The following ADGB variants were observed in gnomAD, a reference collection of about 807,000 sequenced individuals.
ADGB encodes the protein calpain-7-like protein.
A neutral mutation model predicts 210.5 loss-of-function variants in ADGB; 172 were observed. The ratio of observed to expected loss-of-function variants is 0.82; its 90% CI spans 0.72 to 0.93. ADGB has a LOEUF of 0.93. ADGB is among the 40% of genes least tolerant of loss of function. ADGB has a pLI of 0.00. For missense variants in ADGB, 2,025 were observed against 1,964.8 expected, an observed-to-expected ratio of 1.03 and a Z score of -0.58; for synonymous variants, 658 against 662.7, an observed-to-expected ratio of 0.99 and a Z score of 0.11.
chr6:146,693,523 G>C (rs1776361191), intron 12 of ADGB, among the ~76,000 whole-genome samples: 1 of 152,170 alleles, frequency 6.6e-6, no homozygotes. Flanking sequence ...CACCTAACCT[G>C]TGGTATTTTG....
chr6:146,725,069 A>G (rs150061834), intron 18 of ADGB: 1 of 152,348 alleles, frequency 6.6e-6, no homozygotes, highest in African/African-American at 2.4e-5. Flanking sequence ...TGCTAAAATA[A>G]TTGTGTCAAG....
rs980688459 is a variant in ADGB at position 146,795,109 on chromosome 6, T to C, written c.4538-6074T>C. Reference sequence around the variant, plus strand: ...CATTACAAACATCATTAGCTGAAAATTGCAGGGGAAATAAGACTCTAGAAG... The same window carrying C: ...CATTACAAACATCATTAGCTGAAAACTGCAGGGGAAATAAGACTCTAGAAG... On this transcript the variant is annotated intron_variant, in intron 33 of 35. Coordinates refer to ENST00000397944, the MANE Select transcript of ADGB (RefSeq NM_024694.4). Among the ~76,000 whole-genome samples, 4 of 152,046 alleles carry C rather than the reference T, an allele frequency of 2.6e-5. No individual in the cohort carries two copies. The East Asian group carries it at 7.7e-4, about 29-fold the overall frequency.
chr6:146,783,052 G>A (rs1460929569), intron 30 of ADGB, among the ~76,000 whole-genome samples: 1 of 152,024 alleles, frequency 6.6e-6, no homozygotes, highest in Non-Finnish European at 1.5e-5. Context: ...AGACAGGAGA[G>A]GAAGATAATT....
At chr6:146,751,765 A>G (rs1409584815) in intron 26 of ADGB, among the ~76,000 whole-genome samples, 1 of 152,112 alleles carries the variant, frequency 6.6e-6, no homozygotes, top group Non-Finnish European at 1.5e-5. Context: ...TGTTGGCCAC[A>G]TGTATGTCAT....
chr6:146,714,276 T>A (rs1171216105), intron 13 of ADGB, among the ~76,000 whole-genome samples: 1 of 151,778 alleles, frequency 6.6e-6, no homozygotes, highest in African/African-American at 2.4e-5. Flanking sequence ...GATGAGTGAG[T>A]TTTATTTGGA....
intron 35 of ADGB, chr6:146,807,771 G>A: frequency 4.2e-6 from 2 of 477,080 alleles, no homozygotes; most frequent in Admixed American, 4.1e-5. Flanking sequence ...TCGAGTTTAA[G>A]ATGCTCTAAT....
rs187669366 is a variant in ADGB at position 146,647,894 on chromosome 6, A to T, written c.330+3029A>T. 9.5e-3 allele frequency among the ~76,000 whole-genome samples: 1,447 copies of T among 152,164 alleles called. 28 individuals are homozygous for T. The highest frequency in any genetic ancestry group is 0.033 in the African/African-American group (1,388 of 41,560). ...ATTGAAAGAAAATAAATACCTTAAG[A>T]AAACCTTTCTTTAACATAAGGTCCA... On this transcript the variant is annotated intron_variant, in intron 3 of 35. Transcript: ENST00000397944.
At chr6:146,734,086 ATG>A in intron 22 of ADGB, 56 bp downstream of exon 22, 7 of 1,493,628 alleles carry the variant, frequency 4.7e-6, no homozygotes, top group Non-Finnish European at 6.3e-6. Flanking sequence ...ATAAATATTT[ATG>A]TGTGTTAATG....
At chr6:146,726,409 G>C (rs1490393042) in intron 19 of ADGB, among the ~76,000 whole-genome samples, 1 of 151,936 alleles carries the variant, frequency 6.6e-6, no homozygotes, top group Non-Finnish European at 1.5e-5. Context: ...ATTTTTATTA[G>C]AGACGGGGTT....
At chr6:146,717,767 AT>A (rs1776756113) in intron 16 of ADGB, among the ~76,000 whole-genome samples, 168 bp downstream of exon 16, 1 of 152,188 alleles carries the variant, frequency 6.6e-6, no homozygotes, top group African/African-American at 2.4e-5. Flanking sequence ...AATAAGCAAA[AT>A]TCCACTAGCT....
chr6:146,664,402 T>C (rs1196960392), intron 6 of ADGB, 62 bp downstream of exon 6: 3 of 1,436,952 alleles, frequency 2.1e-6, no homozygotes, highest in East Asian at 5.2e-5. Flanking sequence ...TAACTATACA[T>C]TTGTATTGCA....
At chr6:146,711,060 G>A (rs1776650227) in intron 13 of ADGB, among the ~76,000 whole-genome samples, 1 of 152,124 alleles carries the variant, frequency 6.6e-6, no homozygotes, top group African/African-American at 2.4e-5. Context: ...TAAAGATTTA[G>A]CTCACCTGAA....
intron 27 of ADGB, among the ~76,000 whole-genome samples, chr6:146,755,946 A>AT (rs1169344721): frequency 6.6e-6 from 1 of 151,902 alleles, no homozygotes; most frequent in Non-Finnish European, 1.5e-5. Context: ...TAATATCTGT[A>AT]TTTTTTTGTT....
At chr6:146,798,688 A>C (rs1288072212) in intron 33 of ADGB, among the ~76,000 whole-genome samples, 3 of 152,014 alleles carry the variant, frequency 2.0e-5, no homozygotes, top group Non-Finnish European at 1.5e-5. Flanking sequence ...AAAAAAAAAA[A>C]CTGTGAATAA....
chr6:146,804,062 A>G (rs55785738), intron 35 of ADGB, among the ~76,000 whole-genome samples: 4,785 of 152,264 alleles, frequency 0.031, 249 homozygotes, highest in African/African-American at 0.11. Flanking sequence ...CATCCAGATT[A>G]TTGTCATCCG....
intron 27 of ADGB, among the ~76,000 whole-genome samples, chr6:146,763,587 A>G (rs9390421): frequency 0.53 from 80,191 of 152,064 alleles, 22,002 homozygotes; most frequent in African/African-American, 0.66. Context: ...GTGGCATTAA[A>G]CACAGAAAAT....
chr6:146,610,355 G>A (rs1337752466), intron 1 of ADGB, among the ~76,000 whole-genome samples: 1 of 152,170 alleles, frequency 6.6e-6, no homozygotes, highest in Non-Finnish European at 1.5e-5. Flanking sequence ...AGTCATTTGA[G>A]TCTGGTTGGG....
At chr6:146,763,871 T>C (rs1372266392) in intron 27 of ADGB, 30 bp from the exon 28 acceptor site, 3 of 1,524,334 alleles carry the variant, frequency 2.0e-6, no homozygotes. Context: ...TCACATATTT[T>C]AACTTTAACT....
chr6:146,718,688 C>T (rs1309907214), intron 16 of ADGB, among the ~76,000 whole-genome samples: 2 of 152,188 alleles, frequency 1.3e-5, no homozygotes, highest in South Asian at 2.1e-4. Context: ...CCACCCAAGC[C>T]CCTAATGATA....
Sources: allele counts gnomAD v4.1 joint callset (sites outside exome capture counted in the v4.1 genomes callset), GRCh38; gene constraint gnomAD v4.1.1; transcripts MANE v1.5; gene names NCBI Gene and HGNC (gene_info 2026-07-23, HGNC 2026-07-21).